The following SGCZ variants were observed in gnomAD, a reference collection of about 807,000 sequenced individuals.
SGCZ encodes sarcoglycan zeta, also known as zeta-sarcoglycan.
Under a neutral mutation model 41.3 loss-of-function variants are expected in SGCZ, and 40 were observed. The observed-to-expected ratio is 0.97, with a 90% CI of 0.75 to 1.26. The LOEUF (loss-of-function observed/expected upper bound fraction) is 1.26, where lower values mean the gene tolerates loss of function less well. SGCZ is among the 50% of genes most tolerant of loss of function. The pLI is 0.00. For missense variants in SGCZ, 552 were observed against 369.8 expected (o/e 1.49, Z -4.04); for synonymous variants, 206 against 137.5 (o/e 1.50, Z -3.49).
intron 2 of SGCZ, among the ~76,000 whole-genome samples, chr8:14,420,925 T>G (rs908905796): frequency 6.6e-6 from 1 of 152,162 alleles, no homozygotes; most frequent in African/African-American, 2.4e-5. Flanking sequence ...GGCCTGTAGA[T>G]GTTCCTGATA....
chr8:14,338,584 G>A (rs1802582561), intron 2 of SGCZ, among the ~76,000 whole-genome samples: 1 of 151,374 alleles, frequency 6.6e-6, no homozygotes, highest in Non-Finnish European at 1.5e-5. Flanking sequence ...TTATTCTCTT[G>A]TTTATTGAGG....
At chr8:14,630,645 G>C (rs982505941) in intron 1 of SGCZ, among the ~76,000 whole-genome samples, 7 of 151,936 alleles carry the variant, frequency 4.6e-5, no homozygotes, top group African/African-American at 1.7e-4. Flanking sequence ...ATGATAGACT[G>C]GATTAAGAAA....
intron 2 of SGCZ, among the ~76,000 whole-genome samples, chr8:14,486,596 G>C (rs1383419601): frequency 1.3e-5 from 2 of 152,218 alleles, no homozygotes; most frequent in Non-Finnish European, 2.9e-5. Flanking sequence ...GCGTGCGCAC[G>C]TGTGTCTTTC....
At position 14,087,716 on chromosome 8, in the gene SGCZ, A is replaced by ATTT. The variant is rs1305520833; in HGVS notation, c.*2726_*2727insAAA. On this transcript the variant is annotated 3_prime_UTR_variant, in exon 8 of 8. Coordinates refer to ENST00000382080, the MANE Select transcript of SGCZ (RefSeq NM_139167.4). ...CAATTAAGGGACCACTATATTTTTA[A>ATTT]AAAAAAAAAAATGCTTTTTTGTGTT... Among the ~76,000 whole-genome samples, 3,199 of 135,876 alleles carry ATTT rather than the reference A, an allele frequency of 0.024. 78 individuals carry two copies. The highest frequency in any genetic ancestry group is 0.069 in the African/African-American group (2,329 of 34,000). The allele number at this position is 135,876 out of a possible 152,430, so 89.1% of individuals were successfully genotyped here. A position where few individuals can be genotyped will look rare whatever the true frequency, so the allele number is the denominator to read the frequency against.
intron 1 of SGCZ, among the ~76,000 whole-genome samples, chr8:14,952,631 T>A (rs1800675733): frequency 6.6e-6 from 1 of 152,182 alleles, no homozygotes; most frequent in African/African-American, 2.4e-5. Flanking sequence ...ATGGCCAGGA[T>A]GAAGGATGGT....
intron 2 of SGCZ, among the ~76,000 whole-genome samples, chr8:14,493,202 A>G (rs1281815869): frequency 1.3e-5 from 2 of 152,008 alleles, no homozygotes; most frequent in Non-Finnish European, 2.9e-5. Context: ...CAAGCAGTAC[A>G]AAATCTGTTC....
At chr8:14,401,558 A>G (rs1177872563) in intron 2 of SGCZ, among the ~76,000 whole-genome samples, 1 of 150,054 alleles carries the variant, frequency 6.7e-6, no homozygotes, top group African/African-American at 2.5e-5. Context: ...TGTTCTTGCG[A>G]TAGTTTACTG....
chr8:14,601,605 G>A (rs559275469), intron 1 of SGCZ, among the ~76,000 whole-genome samples: 1 of 152,074 alleles, frequency 6.6e-6, no homozygotes, highest in Non-Finnish European at 1.5e-5. Flanking sequence ...TTGGTAGTTG[G>A]TATTTGATTG....
chr8:14,574,819 G>T (rs554575953), intron 1 of SGCZ, among the ~76,000 whole-genome samples: 221 of 152,144 alleles, frequency 1.5e-3, no homozygotes, highest in African/African-American at 5.1e-3. Context: ...AATATTTCAG[G>T]CAAAGAAAAA....
At chr8:14,154,187 G>A (rs1803805806) in intron 5 of SGCZ, among the ~76,000 whole-genome samples, 2 of 151,924 alleles carry the variant, frequency 1.3e-5, no homozygotes, top group Non-Finnish European at 1.5e-5. Flanking sequence ...TGGCTAACAC[G>A]CTGAAACCCT....
At chr8:14,398,511 G>T (rs560511909) in intron 2 of SGCZ, among the ~76,000 whole-genome samples, 1 of 152,266 alleles carries the variant, frequency 6.6e-6, no homozygotes, top group Admixed American at 6.6e-5. Context: ...GAATAAAGAA[G>T]CTGAGGCAAA....
chr8:14,234,041 T>G (rs1490010901), intron 4 of SGCZ, among the ~76,000 whole-genome samples: 1 of 152,082 alleles, frequency 6.6e-6, no homozygotes, highest in East Asian at 1.9e-4. Flanking sequence ...TCAAGAAAAT[T>G]AGAATCCTAG....
intron 2 of SGCZ, among the ~76,000 whole-genome samples, chr8:14,426,884 A>G (rs1270150182): frequency 6.6e-6 from 1 of 152,186 alleles, no homozygotes; most frequent in African/African-American, 2.4e-5. Flanking sequence ...AAGATCAAAT[A>G]AAGTTTTCAG....
At chr8:15,158,258 T>G (rs1227474193) in intron 1 of SGCZ, among the ~76,000 whole-genome samples, 2 of 152,158 alleles carry the variant, frequency 1.3e-5, no homozygotes, top group African/African-American at 2.4e-5. Context: ...CTCTTTCTGT[T>G]TATCCTCCGT....
intron 2 of SGCZ, among the ~76,000 whole-genome samples, chr8:14,401,270 T>C (rs1220889427): frequency 1.4e-5 from 2 of 143,588 alleles, no homozygotes; most frequent in East Asian, 1.9e-4. Flanking sequence ...ATATATAGTT[T>C]TATTTTTATT....
At chr8:14,594,254 C>A (rs1014666760) in intron 1 of SGCZ, among the ~76,000 whole-genome samples, 2 of 151,276 alleles carry the variant, frequency 1.3e-5, no homozygotes, top group Non-Finnish European at 2.9e-5. Context: ...AATGGCTGAA[C>A]CCCGCCTCCC....
chr8:14,312,293 T>G (rs1801572874), intron 3 of SGCZ, among the ~76,000 whole-genome samples: 1 of 152,172 alleles, frequency 6.6e-6, no homozygotes, highest in South Asian at 2.1e-4. Flanking sequence ...GCTAATATAT[T>G]TTTTGTGGTC....
At chr8:14,946,832 C>G (rs767180605) in intron 1 of SGCZ, among the ~76,000 whole-genome samples, 2 of 151,858 alleles carry the variant, frequency 1.3e-5, no homozygotes, top group African/African-American at 2.4e-5. Context: ...CCCACCACCA[C>G]GCCCAGCTAA....
intron 2 of SGCZ, among the ~76,000 whole-genome samples, chr8:14,391,563 A>G (rs1804775375): frequency 6.6e-6 from 1 of 152,102 alleles, no homozygotes; most frequent in South Asian, 2.1e-4. Flanking sequence ...GCTAGAGGAG[A>G]AGCCATATTA....
Sources: allele counts gnomAD v4.1 joint callset (sites outside exome capture counted in the v4.1 genomes callset), GRCh38; gene constraint gnomAD v4.1.1; transcripts MANE v1.5; gene names NCBI Gene and HGNC (gene_info 2026-07-23, HGNC 2026-07-21).